DOCK1: variants seen among roughly 807,000 people sequenced by gnomAD.
DOCK1 encodes the protein dedicator of cytokinesis protein 1.
Under a neutral mutation model 262.7 loss-of-function variants are expected in DOCK1, and 138 were observed. That is an observed-to-expected ratio of 0.53 (90% confidence interval 0.46 to 0.61). The LOEUF (loss-of-function observed/expected upper bound fraction) is 0.61, where lower values mean the gene tolerates loss of function less well. Ranked by LOEUF, DOCK1 falls within the 20% of genes least tolerant of loss-of-function variation. The pLI is 0.00. For missense variants in DOCK1, 1,908 were observed against 2,370.7 expected (o/e 0.80, Z 4.05); for synonymous variants, 866 against 867.4 (o/e 1.00, Z 0.03).
intron 2 of DOCK1, among the ~76,000 whole-genome samples, chr10:126,975,269 C>T (rs994038987): frequency 3.0e-4 from 46 of 152,156 alleles, no homozygotes; most frequent in African/African-American, 9.4e-4. Flanking sequence ...AGGTTGTCCC[C>T]GCTTCCCACC....
At chr10:127,276,228 T>G (rs2060735985) in intron 29 of DOCK1, among the ~76,000 whole-genome samples, 2 of 152,222 alleles carry the variant, frequency 1.3e-5, no homozygotes, top group Admixed American at 1.3e-4. Context: ...GTGGAGATGC[T>G]GGCTGTGTAC....
chr10:127,017,376 C>T (rs1161193542), intron 12 of DOCK1, among the ~76,000 whole-genome samples: 5 of 151,894 alleles, frequency 3.3e-5, no homozygotes, highest in African/African-American at 9.7e-5. Flanking sequence ...CAGATACAGA[C>T]ACAGACATAC....
intron 46 of DOCK1, among the ~76,000 whole-genome samples, chr10:127,421,066 A>G (rs2068480155): frequency 1.3e-5 from 2 of 151,894 alleles, no homozygotes; most frequent in African/African-American, 2.4e-5. Flanking sequence ...GCAAGTGTGC[A>G]CCACCATGCC....
chr10:127,404,625 C>A (rs1186769733), intron 40 of DOCK1, among the ~76,000 whole-genome samples, 196 bp downstream of exon 40: 1 of 152,166 alleles, frequency 6.6e-6, no homozygotes, highest in Non-Finnish European at 1.5e-5. Flanking sequence ...ACCTTTCTAT[C>A]TGATTTTTCC....
intron 1 of DOCK1, among the ~76,000 whole-genome samples, chr10:126,935,334 T>G (rs1375558179): frequency 6.6e-6 from 1 of 152,190 alleles, no homozygotes; most frequent in African/African-American, 2.4e-5. Context: ...CCCCCTGCAG[T>G]AGGGCCGGAA....
intron 27 of DOCK1, among the ~76,000 whole-genome samples, chr10:127,226,615 G>A (rs560216788): frequency 3.9e-5 from 6 of 152,136 alleles, no homozygotes; most frequent in African/African-American, 7.2e-5. Flanking sequence ...ATGGTGGTGC[G>A]TGCCTGTAAT....
chr10:127,204,621 A>T (rs2057629718), intron 27 of DOCK1, among the ~76,000 whole-genome samples: 1 of 152,174 alleles, frequency 6.6e-6, no homozygotes, highest in African/African-American at 2.4e-5. Context: ...GGGCGTTTGG[A>T]AACTGAGTCA....
At position 126,970,749 on chromosome 10, in the gene DOCK1, A is replaced by G. The variant is rs1399680843; in HGVS notation, c.94A>G (p.Ile32Val). The change falls in exon 2 of 52, where the codon ATC becomes GTC. Residue 32 changes from isoleucine (I) to valine (V), a missense_variant. Transcript: ENST00000623213. Reference sequence around the variant, plus strand: ...AGGAGCGGATGAACTTTCTTTACAGATCGGAGACACTGTGCACATCTTAGA... The same window carrying G: ...AGGAGCGGATGAACTTTCTTTACAGGTCGGAGACACTGTGCACATCTTAGA... ...ARGADELSLQIGDTVHILETY... is the reference protein window; with the variant it reads ...ARGADELSLQVGDTVHILETY... 5 of 1,613,758 alleles carry G rather than the reference A, an allele frequency of 3.1e-6. No homozygotes were observed. The highest frequency in any genetic ancestry group is 3.3e-4 in the Middle Eastern group (2 of 6,058).
At chr10:127,063,835 T>G (rs1045388296) in intron 23 of DOCK1, among the ~76,000 whole-genome samples, 1 of 152,192 alleles carries the variant, frequency 6.6e-6, no homozygotes, top group African/African-American at 2.4e-5. Flanking sequence ...AAGACCATGC[T>G]TCAGTGGGTG....
intron 25 of DOCK1, among the ~76,000 whole-genome samples, chr10:127,112,151 A>G (rs2132887348): frequency 6.6e-6 from 1 of 152,104 alleles, no homozygotes; most frequent in South Asian, 2.1e-4. Flanking sequence ...AGCTGGGATT[A>G]TAGGCACCCA....
intron 23 of DOCK1, among the ~76,000 whole-genome samples, chr10:127,066,435 A>C (rs2045879936): frequency 6.6e-6 from 1 of 152,138 alleles, no homozygotes; most frequent in South Asian, 2.1e-4. Flanking sequence ...TGTTTTCCTG[A>C]AACTCCCATC....
At chr10:127,177,154 TAAAAG>T (rs1352414371) in intron 27 of DOCK1, 1 of 151,332 alleles carries the variant, frequency 6.6e-6, no homozygotes, top group Non-Finnish European at 1.5e-5. Context: ...AAAAAAAAAA[TAAAAG>T]AAATTACTCA....
Position 127,012,037 on chromosome 10 carries a change from G to A in DOCK1, c.1059-195G>A, listed in dbSNP as rs1334312921. Among the ~76,000 whole-genome samples the A allele has an allele frequency of 1.3e-5, 2 of 152,044 alleles. No homozygotes were observed. The highest frequency in any genetic ancestry group is 2.9e-5 in the Non-Finnish European group (2 of 68,024). On this transcript the variant is annotated intron_variant, in intron 11 of 51. Transcript: ENST00000623213. The surrounding 1 kb of genome is among the most constrained non-coding windows in gnomAD (Gnocchi z 4.0). ...GCCCTCATTTGCTCTGTTCCCTCTCGTGGTTCAGCATTTTCCTGATCAATG... is the reference window on the plus strand; with the variant it reads ...GCCCTCATTTGCTCTGTTCCCTCTCATGGTTCAGCATTTTCCTGATCAATG...
chr10:127,284,529 G>T (rs1208616772), intron 29 of DOCK1, among the ~76,000 whole-genome samples: 2 of 152,110 alleles, frequency 1.3e-5, no homozygotes, highest in Admixed American at 6.5e-5. Context: ...TTTAAAAGTG[G>T]TTCTTCCAGT....
intron 27 of DOCK1, among the ~76,000 whole-genome samples, chr10:127,173,300 C>A (rs2054754203): frequency 6.6e-6 from 1 of 152,170 alleles, no homozygotes; most frequent in South Asian, 2.1e-4. Flanking sequence ...GGCACAGAGA[C>A]ATACAGCCCT....
At chr10:127,353,536 G>T (rs1207484676) in intron 31 of DOCK1, among the ~76,000 whole-genome samples, 1 of 152,200 alleles carries the variant, frequency 6.6e-6, no homozygotes, top group Non-Finnish European at 1.5e-5. Context: ...CGTCTCCCCA[G>T]CTGAGATGCC....
rs778097474 is a variant in DOCK1 at position 127,451,374 on chromosome 10, C to G, written c.5608C>G (p.Pro1870Ala). 69 of 1,600,384 alleles carry G rather than the reference C, an allele frequency of 4.3e-5. No individual in the cohort carries two copies. The highest frequency in any genetic ancestry group is 4.7e-5 in the Non-Finnish European group (55 of 1,173,730). Residue 1870 changes from proline to alanine, a missense_variant, in exon 52 of 52, where the codon CCT becomes GCT. Physicochemically the swap from Pro to Ala is conservative, Grantham distance 27. Around this residue, in one of 9 missense-constraint regions of DOCK1, gnomAD observed 383 missense variants for 420.1 expected, o/e 0.91. Coordinates refer to ENST00000623213, the MANE Select transcript of DOCK1 (RefSeq NM_001290223.2). ...GCCCAGCAAAACTCCGCCTCCTCCC[C>G]CTCCAAAGACAACTCGCAAGCAGGC... ...PLPSKTPPPP[P>A]PKTTRKQASV...
At chr10:126,930,704 A>G (rs2034123357) in intron 1 of DOCK1, among the ~76,000 whole-genome samples, 1 of 152,190 alleles carries the variant, frequency 6.6e-6, no homozygotes, top group South Asian at 2.1e-4. Flanking sequence ...AGGCCAAGGC[A>G]AGGTTTTGCC....
intron 6 of DOCK1, among the ~76,000 whole-genome samples, chr10:126,991,764 G>A (rs1247775007): frequency 6.6e-6 from 1 of 152,096 alleles, no homozygotes; most frequent in East Asian, 1.9e-4. Context: ...CCCTACCTCA[G>A]GTGATCCACC....
Sources: allele counts gnomAD v4.1 joint callset (sites outside exome capture counted in the v4.1 genomes callset), GRCh38; gene constraint gnomAD v4.1.1; regional missense constraint gnomAD v4.1.1; non-coding constraint Gnocchi (gnomAD v3.1); transcripts MANE v1.5; gene names NCBI Gene and HGNC (gene_info 2026-07-23, HGNC 2026-07-21).